SPATA6: variants seen among roughly 807,000 people sequenced by gnomAD.
The protein encoded by SPATA6 is spermatogenesis-associated protein 6.
Under a neutral mutation model 65.3 loss-of-function variants are expected in SPATA6, and 56 were observed. The ratio of observed to expected loss-of-function variants is 0.86; its 90% CI spans 0.69 to 1.07. The LOEUF (loss-of-function observed/expected upper bound fraction) is 1.07, where lower values mean the gene tolerates loss of function less well. Ranked by LOEUF, SPATA6 falls within the 50% of genes least tolerant of loss-of-function variation. The pLI is 0.00. For synonymous variants in SPATA6, 199 were observed against 213.2 expected, an observed-to-expected ratio of 0.93 and a Z score of 0.58; for missense variants, 590 against 594.8, an observed-to-expected ratio of 0.99 and a Z score of 0.08.
At chr1:48,382,638 C>CCT (rs1557644721) in intron 9 of SPATA6, among the ~76,000 whole-genome samples, 1 of 21,792 alleles carries the variant, frequency 4.6e-5, no homozygotes, top group Admixed American at 3.8e-4. Flanking sequence ...GACCCCCCCC[C>CCT]CCCCGCCTCC....
chr1:48,414,704 C>G (rs552853339), intron 3 of SPATA6, among the ~76,000 whole-genome samples: 1 of 152,302 alleles, frequency 6.6e-6, no homozygotes, highest in Non-Finnish European at 1.5e-5. Flanking sequence ...ACCTCCCTCT[C>G]CTCACACCTT....
At chr1:48,441,238 G>C (rs1242282016) in intron 3 of SPATA6, among the ~76,000 whole-genome samples, 2 of 152,264 alleles carry the variant, frequency 1.3e-5, no homozygotes, top group South Asian at 4.1e-4. Flanking sequence ...CTGAGCCCCG[G>C]GTATGTTTAA....
At chr1:48,295,231 T>G (rs1042430693), downstream of SPATA6, 2 of 152,136 alleles carry the variant, frequency 1.3e-5, no homozygotes, top group Admixed American at 6.5e-5. Flanking sequence ...GCAAGTCAAC[T>G]CCTAGATGTA....
chr1:48,314,040 G>A (rs1645318748), intron 11 of SPATA6, among the ~76,000 whole-genome samples: 1 of 152,188 alleles, frequency 6.6e-6, no homozygotes, highest in Non-Finnish European at 1.5e-5. Flanking sequence ...GATTCATAAA[G>A]CAAGTCCTTA....
chr1:48,279,395 C>T, the SPATA6 span, among the ~76,000 whole-genome samples: 146 of 152,160 alleles, frequency 9.6e-4, no homozygotes, highest in African/African-American at 3.2e-3. Flanking sequence ...GCAAACAGGA[C>T]AAAGAGTCAA....
At chr1:48,320,510 T>C (rs910073592) in intron 11 of SPATA6, among the ~76,000 whole-genome samples, 2 of 152,194 alleles carry the variant, frequency 1.3e-5, no homozygotes, top group African/African-American at 2.4e-5. Context: ...ATAGTATATC[T>C]GGCAAAAAGA....
At chr1:48,280,541 A>T in the SPATA6 span, among the ~76,000 whole-genome samples, 9 of 152,226 alleles carry the variant, frequency 5.9e-5, no homozygotes, top group Non-Finnish European at 1.0e-4. Flanking sequence ...ACCATCAGAG[A>T]ATACTACAAA....
chr1:48,325,068 A>G, intron 11 of SPATA6: 1 of 361,572 alleles, frequency 2.8e-6, no homozygotes, highest in African/African-American at 2.1e-5. Flanking sequence ...TTTCTCCATG[A>G]CCAAAAATAT....
In SPATA6 at chr1:48,452,978, T is replaced by C. The variant is rs1339308201; in HGVS notation, c.189+16A>G. On this transcript the variant is annotated intron_variant, in intron 2 of 12. Transcript: ENST00000371847. ...ATGTTTTGTTTGTTAATACTTGATCTGATATTTGAACTCACCTTTTCAAAC... is the reference window on the plus strand; with the variant it reads ...ATGTTTTGTTTGTTAATACTTGATCCGATATTTGAACTCACCTTTTCAAAC... 1.2e-6 allele frequency: 2 copies of C among 1,607,414 alleles called. No homozygotes were observed. The highest frequency in any genetic ancestry group is 3.4e-5 in the Admixed American group (2 of 58,258).
chr1:48,325,508 A>T (rs1645730849), intron 11 of SPATA6: 2 of 1,231,886 alleles, frequency 1.6e-6, no homozygotes, highest in South Asian at 2.4e-5. Context: ...TGATCTCATC[A>T]TCCTCACTGA....
At position 48,305,770 on chromosome 1, in the gene SPATA6, A is replaced by G. The variant is rs1212993423; in HGVS notation, c.1286+17T>C. 13 of 1,574,486 alleles carry G rather than the reference A, an allele frequency of 8.3e-6. No homozygotes were observed. Among genetic ancestry groups the G allele is most frequent in the African/African-American group, 2.7e-5 (2 of 73,734 alleles). ...TATCAGAACTATGAGAAGGATATAC[A>G]TATATTTCATTCATACCTATACTCG... On this transcript the variant is annotated intron_variant, in intron 12 of 12. Coordinates refer to ENST00000371847, the MANE Select transcript of SPATA6 (RefSeq NM_019073.4).
chr1:48,310,266 C>T (rs1380580229), intron 11 of SPATA6, among the ~76,000 whole-genome samples: 1 of 152,210 alleles, frequency 6.6e-6, no homozygotes, highest in Non-Finnish European at 1.5e-5. Flanking sequence ...TCCAGGCAAT[C>T]TCCAGCAAGT....
intron 1 of SPATA6, among the ~76,000 whole-genome samples, chr1:48,461,306 G>A (rs1243888841): frequency 2.0e-5 from 3 of 152,166 alleles, no homozygotes; most frequent in South Asian, 4.2e-4. Context: ...TACTCTGATG[G>A]TAGTTTCTTT....
intron 8 of SPATA6, among the ~76,000 whole-genome samples, chr1:48,390,857 T>C (rs1398088373): frequency 6.6e-6 from 1 of 152,218 alleles, no homozygotes; most frequent in Non-Finnish European, 1.5e-5. Context: ...GCATTTTTTA[T>C]GGCACAAGAT....
chr1:48,274,289 G>A, the SPATA6 span, among the ~76,000 whole-genome samples: 1 of 152,112 alleles, frequency 6.6e-6, no homozygotes, highest in Non-Finnish European at 1.5e-5. Context: ...CATTCTGTAG[G>A]TTGCCTGTTC....
chr1:48,415,215 C>T (rs1652643384), intron 3 of SPATA6, among the ~76,000 whole-genome samples: 1 of 152,160 alleles, frequency 6.6e-6, no homozygotes, highest in Admixed American at 6.5e-5. Context: ...GTATCAATAA[C>T]AAGGGTGATG....
chr1:48,282,846 G>T, the SPATA6 span, among the ~76,000 whole-genome samples: 5,779 of 152,130 alleles, frequency 0.038, 358 homozygotes, highest in African/African-American at 0.13. Flanking sequence ...TATACCCAAA[G>T]GACTATAAAT....
chr1:48,359,847 T>C, intron 9 of SPATA6, 77 bp from the exon 10 acceptor site: 3 of 1,170,864 alleles, frequency 2.6e-6, no homozygotes, highest in Non-Finnish European at 3.5e-6. Flanking sequence ...AGTAATATAG[T>C]ATGCATAGTA....
At chr1:48,325,171 G>T in intron 11 of SPATA6, 1 of 651,312 alleles carries the variant, frequency 1.5e-6, no homozygotes, top group Admixed American at 2.3e-5. Flanking sequence ...CAGGGTTATG[G>T]ACTGCAAGGT....
Sources: allele counts gnomAD v4.1 joint callset (sites outside exome capture counted in the v4.1 genomes callset), GRCh38; gene constraint gnomAD v4.1.1; transcripts MANE v1.5; gene names NCBI Gene and HGNC (gene_info 2026-07-23, HGNC 2026-07-21).